Variants in CCSER1 observed in about 807,000 individuals in gnomAD.
The protein encoded by CCSER1 is serine-rich coiled-coil domain-containing protein 1.
A neutral mutation model predicts 82.0 loss-of-function variants in CCSER1; 41 were observed. The observed-to-expected ratio is 0.50, with a 90% confidence interval of 0.39 to 0.65. CCSER1 has a LOEUF of 0.65. CCSER1 is among the 30% of genes least tolerant of loss of function. The pLI, the probability that CCSER1 is intolerant of heterozygous loss-of-function variation, is 0.00. For missense variants in CCSER1, 1,119 were observed against 1,064.2 expected (o/e 1.05, Z -0.72); for synonymous variants, 414 against 383.9 (o/e 1.08, Z -0.92).
intron 9 of CCSER1, among the ~76,000 whole-genome samples, chr4:90,999,811 T>C (rs1737835481): frequency 6.6e-6 from 1 of 151,822 alleles, no homozygotes; most frequent in South Asian, 2.1e-4. Flanking sequence ...TTTTGTTTTG[T>C]TTTGTTTTTT....
intron 7 of CCSER1, among the ~76,000 whole-genome samples, chr4:90,772,030 T>G (rs1299141890): frequency 6.6e-6 from 1 of 152,110 alleles, no homozygotes; most frequent in African/African-American, 2.4e-5. Context: ...ATAACCAGCT[T>G]TAGTTCTATA....
intron 3 of CCSER1, among the ~76,000 whole-genome samples, chr4:90,360,999 A>G (rs1050939085): frequency 1.4e-4 from 21 of 152,222 alleles, no homozygotes; most frequent in Admixed American, 1.4e-3. Flanking sequence ...ATAATTTACA[A>G]TGGTACATCC....
intron 1 of CCSER1, among the ~76,000 whole-genome samples, chr4:90,271,180 A>G (rs1466441605): frequency 6.6e-6 from 1 of 152,160 alleles, no homozygotes; most frequent in Non-Finnish European, 1.5e-5. Flanking sequence ...TGAATAGGCA[A>G]AGCTCTACTG....
At chr4:91,002,321 T>C (rs1454303294) in intron 9 of CCSER1, among the ~76,000 whole-genome samples, 1 of 152,242 alleles carries the variant, frequency 6.6e-6, no homozygotes, top group Non-Finnish European at 1.5e-5. Context: ...AGGGAAGTTT[T>C]CCTTTATTAT....
chr4:90,910,007 C>G (rs972381522), intron 8 of CCSER1, among the ~76,000 whole-genome samples: 6 of 152,122 alleles, frequency 3.9e-5, no homozygotes, highest in African/African-American at 1.4e-4. Flanking sequence ...ACCACAGGCC[C>G]TAACAGGAAG....
intron 9 of CCSER1, among the ~76,000 whole-genome samples, chr4:91,065,109 G>A (rs1720669093): frequency 6.6e-6 from 1 of 152,108 alleles, no homozygotes; most frequent in African/African-American, 2.4e-5. Flanking sequence ...AGCCACAGTG[G>A]CCTTAGACCA....
At chr4:91,245,418 G>T (rs9990729) in intron 10 of CCSER1, among the ~76,000 whole-genome samples, 1 of 152,162 alleles carries the variant, frequency 6.6e-6, no homozygotes, top group Non-Finnish European at 1.5e-5. Flanking sequence ...AACAAATAAC[G>T]TACAATGAAA....
At chr4:91,122,520 C>G (rs998427511) in intron 10 of CCSER1, among the ~76,000 whole-genome samples, 15 of 151,452 alleles carry the variant, frequency 9.9e-5, no homozygotes, top group African/African-American at 3.4e-4. Flanking sequence ...ATGATTCTCC[C>G]GCAAAATCCT....
intron 10 of CCSER1, among the ~76,000 whole-genome samples, chr4:91,554,361 G>A (rs1046829049): frequency 1.3e-5 from 2 of 151,124 alleles, no homozygotes; most frequent in African/African-American, 4.9e-5. Context: ...TTCTGCTGCT[G>A]TTGTATGGAA....
At chr4:90,497,829 G>C (rs976654222) in intron 5 of CCSER1, among the ~76,000 whole-genome samples, 2 of 152,102 alleles carry the variant, frequency 1.3e-5, no homozygotes, top group Admixed American at 6.6e-5. Context: ...TTATCTAAAG[G>C]TGGGATTCAG....
intron 7 of CCSER1, among the ~76,000 whole-genome samples, chr4:90,729,525 A>C (rs1744316584): frequency 6.6e-6 from 1 of 152,214 alleles, no homozygotes; most frequent in African/African-American, 2.4e-5. Flanking sequence ...GAAAACTGGT[A>C]AATATAATGA....
chr4:91,042,382 G>A (rs1050302384), intron 9 of CCSER1, among the ~76,000 whole-genome samples: 2 of 152,144 alleles, frequency 1.3e-5, no homozygotes, highest in Non-Finnish European at 2.9e-5. Flanking sequence ...TGAACTGTGA[G>A]TCAATTAAAC....
chr4:91,348,812 C>T (rs954152863), intron 10 of CCSER1, among the ~76,000 whole-genome samples: 1 of 152,104 alleles, frequency 6.6e-6, no homozygotes, highest in Non-Finnish European at 1.5e-5. Flanking sequence ...TTTTATTTCT[C>T]ATCATAGCAA....
chr4:90,386,593 A>G (rs527630831), intron 3 of CCSER1, among the ~76,000 whole-genome samples: 2 of 152,336 alleles, frequency 1.3e-5, no homozygotes, highest in African/African-American at 4.8e-5. Context: ...ACAATGACCT[A>G]CACCAATGAT....
intron 10 of CCSER1, among the ~76,000 whole-genome samples, chr4:91,349,513 T>C (rs1197648093): frequency 6.6e-6 from 1 of 152,118 alleles, no homozygotes; most frequent in East Asian, 1.9e-4. Context: ...TAGAAGTCAA[T>C]AACCCTTAAA....
chr4:90,408,140 C>T (rs1176936700), intron 4 of CCSER1, among the ~76,000 whole-genome samples: 2 of 152,222 alleles, frequency 1.3e-5, no homozygotes, highest in Admixed American at 6.5e-5. Flanking sequence ...GGCTGGGAAG[C>T]TCGAACTAGG....
At chr4:90,875,786 G>A (rs1022660470) in intron 8 of CCSER1, among the ~76,000 whole-genome samples, 2 of 152,158 alleles carry the variant, frequency 1.3e-5, no homozygotes, top group African/African-American at 2.4e-5. Context: ...AAAGAAGAGC[G>A]AAGGTCAATG....
Position 90,748,310 on chromosome 4 carries a change from G to T in CCSER1, c.2010+24319G>T, listed in dbSNP as rs1048736997. Among the ~76,000 whole-genome samples, 175 of 149,984 alleles carry T rather than the reference G, an allele frequency of 1.2e-3. 1 individual carries two copies. Among genetic ancestry groups the T allele is most frequent in the Non-Finnish European group, 2.2e-3 (152 of 67,632 alleles). ...TGTTGGGTTTTTTGTTCTTGCAATA[G>T]TTTACTGAGAATGATGATTTCCAGT... On this transcript the variant is annotated intron_variant, in intron 7 of 10. Coordinates refer to ENST00000509176, the MANE Select transcript of CCSER1 (RefSeq NM_001145065.2).
intron 7 of CCSER1, chr4:90,780,739 A>T (rs1235908452): frequency 8.0e-6 from 10 of 1,256,440 alleles, no homozygotes; most frequent in Non-Finnish European, 2.0e-6. Context: ...CTCCCTTTTT[A>T]CTTTATTAAA....
Sources: gnomAD v4.1 joint callset for allele counts (sites outside exome capture counted in the v4.1 genomes callset) on GRCh38, gnomAD v4.1.1 for gene constraint, MANE v1.5 for transcripts, NCBI Gene and HGNC (gene_info 2026-07-23, HGNC 2026-07-21) for gene names.